Variants in NFATC3 observed in about 807,000 individuals in gnomAD.
NFATC3 encodes nuclear factor of activated T-cells, cytoplasmic 3.
In NFATC3, 46 loss-of-function variants were observed where a neutral mutation model predicts 98.6. The ratio of observed to expected loss-of-function variants is 0.47; its 90% CI spans 0.37 to 0.60. The LOEUF is 0.60. Ranked by LOEUF, NFATC3 falls within the 20% of genes least tolerant of loss-of-function variation. The probability of loss-of-function intolerance (pLI) is 0.00; values close to 1 mark genes in which losing one functional copy is unlikely to be tolerated. For missense variants in NFATC3, 1,256 were observed against 1,295.5 expected, an observed-to-expected ratio of 0.97 and a Z score of 0.47; for synonymous variants, 512 against 472.2, an observed-to-expected ratio of 1.08 and a Z score of -1.09.
chr16:68,171,766 C>T (rs757803702), intron 5 of NFATC3, among the ~76,000 whole-genome samples: 1 of 152,002 alleles, frequency 6.6e-6, no homozygotes, highest in Non-Finnish European at 1.5e-5. Context: ...TGAGCCACCA[C>T]GCCTGGCTGC....
At chr16:68,117,880 T>C (rs2036370414) in intron 1 of NFATC3, among the ~76,000 whole-genome samples, 1 of 152,188 alleles carries the variant, frequency 6.6e-6, no homozygotes, top group Non-Finnish European at 1.5e-5. Context: ...ACTTGGTAGG[T>C]ACTGGAGATA....
At chr16:68,152,280 G>A (rs1420983417) in intron 3 of NFATC3, among the ~76,000 whole-genome samples, 1 of 149,396 alleles carries the variant, frequency 6.7e-6, no homozygotes, top group Non-Finnish European at 1.5e-5. Context: ...TAGGGAGGCT[G>A]AGACAGGAGA....
intron 8 of NFATC3, among the ~76,000 whole-genome samples, chr16:68,188,223 C>T (rs1454817137): frequency 2.6e-5 from 4 of 152,162 alleles, no homozygotes; most frequent in Non-Finnish European, 5.9e-5. Context: ...TGAGCTGTTG[C>T]GGGAGGGGGG....
At chr16:68,195,807 CA>C (rs1040364598) in intron 9 of NFATC3, among the ~76,000 whole-genome samples, 2 of 152,006 alleles carry the variant, frequency 1.3e-5, no homozygotes, top group Admixed American at 6.6e-5. Context: ...GACTCCGTCT[CA>C]AAAAATAAAA....
chr16:68,154,307 T>C (rs955597396), intron 3 of NFATC3, among the ~76,000 whole-genome samples: 3 of 152,118 alleles, frequency 2.0e-5, no homozygotes, highest in Non-Finnish European at 2.9e-5. Context: ...ATTCTGTGTA[T>C]AGTTAGTTAC....
intron 3 of NFATC3, among the ~76,000 whole-genome samples, chr16:68,133,495 T>A (rs1328809476): frequency 6.6e-6 from 1 of 152,184 alleles, no homozygotes; most frequent in Non-Finnish European, 1.5e-5. Flanking sequence ...ACGCAATGAA[T>A]ATTTAACACG....
In NFATC3 at chr16:68,123,862, A is replaced by G. The variant is rs914556110; in HGVS notation, c.1238+741A>G. Reference sequence around the variant, plus strand: ...TAGCCAGGTGTGGTGGCACACACCTATAGTCCCAGGTACTAGGGAGGCTGA... The same window carrying G: ...TAGCCAGGTGTGGTGGCACACACCTGTAGTCCCAGGTACTAGGGAGGCTGA... On this transcript the variant is annotated intron_variant, in intron 2 of 9. Transcript: ENST00000346183. 2.0e-5 allele frequency among the ~76,000 whole-genome samples: 3 copies of G among 151,340 alleles called. No homozygotes were observed. The East Asian group carries it at 5.9e-4, about 30-fold the overall frequency.
chr16:68,168,481 T>G (rs2039317241), intron 5 of NFATC3, among the ~76,000 whole-genome samples: 1 of 147,054 alleles, frequency 6.8e-6, no homozygotes, highest in Non-Finnish European at 1.5e-5. Flanking sequence ...TTTATTATTA[T>G]TATTATTATT....
intron 1 of NFATC3, among the ~76,000 whole-genome samples, chr16:68,110,753 C>T (rs1174505469): frequency 2.6e-5 from 4 of 151,874 alleles, no homozygotes; most frequent in Admixed American, 6.6e-5. Context: ...ATTAGGATGT[C>T]GATTTGAGTT....
chr16:68,157,829 T>A (rs769362940), intron 3 of NFATC3, 40 bp from the exon 4 acceptor site: 2 of 1,525,860 alleles, frequency 1.3e-6, no homozygotes, highest in South Asian at 2.3e-5. Flanking sequence ...AATGCATGGA[T>A]AATGAATTGT....
intron 3 of NFATC3, among the ~76,000 whole-genome samples, chr16:68,153,723 C>G (rs1178944150): frequency 6.6e-6 from 1 of 152,146 alleles, no homozygotes; most frequent in African/African-American, 2.4e-5. Context: ...ACTCCATTCT[C>G]CTGCCTCAGC....
intron 9 of NFATC3, among the ~76,000 whole-genome samples, chr16:68,215,684 A>G (rs1162197046): frequency 2.8e-5 from 3 of 108,060 alleles, no homozygotes; most frequent in African/African-American, 1.1e-4. Flanking sequence ...GAGTGTTTTT[A>G]TTTGCTTGCT....
chr16:68,101,726 G>T lies in NFATC3; in HGVS notation c.103+15942G>T, dbSNP rs143306270. On this transcript the variant is annotated intron_variant, in intron 1 of 9. Transcript: ENST00000346183. ...TCTTGATCCCCTGACCTCATGATCC[G>T]CCCGCCTCTGCCTCCCAAAGTGCTG... 3.6e-3 allele frequency among the ~76,000 whole-genome samples: 553 copies of T among 151,706 alleles called. 6 individuals carry two copies. The highest frequency in any genetic ancestry group is 0.012 in the African/African-American group (510 of 41,378).
chr16:68,189,035 T>G (rs747673832), intron 8 of NFATC3, among the ~76,000 whole-genome samples: 11 of 152,200 alleles, frequency 7.2e-5, no homozygotes, highest in Non-Finnish European at 1.0e-4. Context: ...CATGTTGATA[T>G]CTAGTTTTCT....
chr16:68,125,798 TAC>T (rs780951395), intron 2 of NFATC3, among the ~76,000 whole-genome samples: 2 of 152,206 alleles, frequency 1.3e-5, no homozygotes, highest in Non-Finnish European at 2.9e-5. Context: ...GAGAAAAATT[TAC>T]AGTTTTATAA....
chr16:68,185,970 G>A (rs2040183660), intron 8 of NFATC3, among the ~76,000 whole-genome samples: 1 of 152,038 alleles, frequency 6.6e-6, no homozygotes, highest in Admixed American at 6.5e-5. Context: ...TTACATTTGG[G>A]AATGGAAATC....
chr16:68,221,596 C>G (rs1292982684), intron 9 of NFATC3: 3 of 1,076,460 alleles, frequency 2.8e-6, no homozygotes, highest in Non-Finnish European at 3.4e-6. Flanking sequence ...AGAAAGTCTG[C>G]CCCGTTGGAA....
intron 8 of NFATC3, among the ~76,000 whole-genome samples, chr16:68,189,987 C>G (rs183929078): frequency 6.6e-6 from 1 of 152,036 alleles, no homozygotes; most frequent in African/African-American, 2.4e-5. Flanking sequence ...TGCAGTACGC[C>G]GAGATTGCAC....
intron 1 of NFATC3, among the ~76,000 whole-genome samples, chr16:68,118,249 A>G (rs2151494386): frequency 6.6e-6 from 1 of 152,312 alleles, no homozygotes; most frequent in East Asian, 1.9e-4. Flanking sequence ...TAATCTCTGT[A>G]AAACAAGTTC....
Sources: allele counts gnomAD v4.1 joint callset (sites outside exome capture counted in the v4.1 genomes callset), GRCh38; gene constraint gnomAD v4.1.1; transcripts MANE v1.5; gene names NCBI Gene and HGNC (gene_info 2026-07-23, HGNC 2026-07-21).